RNLS: variants seen among roughly 807,000 people sequenced by gnomAD.
RNLS encodes the protein renalase.
RNLS carries 39 observed loss-of-function variants against 39.8 expected under a neutral mutation model. The ratio of observed to expected loss-of-function variants is 0.98; its 90% CI spans 0.76 to 1.28. RNLS has a LOEUF of 1.28. RNLS is among the 50% of genes most tolerant of loss of function. The probability of loss-of-function intolerance (pLI) is 0.00; values close to 1 mark genes in which losing one functional copy is unlikely to be tolerated. For synonymous variants in RNLS, 147 were observed against 150.7 expected, an observed-to-expected ratio of 0.98 and a Z score of 0.18; for missense variants, 410 against 413.3, an observed-to-expected ratio of 0.99 and a Z score of 0.07.
intron 4 of RNLS, among the ~76,000 whole-genome samples, chr10:88,430,071 G>C (rs969104224): frequency 1.3e-5 from 2 of 151,678 alleles, no homozygotes; most frequent in African/African-American, 4.8e-5. Context: ...GATTGGGACT[G>C]CATTAAATGT....
At chr10:88,497,521 AAC>A (rs1845236275) in intron 4 of RNLS, among the ~76,000 whole-genome samples, 1 of 151,868 alleles carries the variant, frequency 6.6e-6, no homozygotes, top group South Asian at 2.1e-4. Context: ...TAAAGCAAAT[AAC>A]AGAGTTGGAA....
intron 4 of RNLS, among the ~76,000 whole-genome samples, chr10:88,387,781 T>G (rs775720326): frequency 2.0e-5 from 3 of 152,056 alleles, no homozygotes; most frequent in Non-Finnish European, 4.4e-5. Flanking sequence ...TGATTTAGAG[T>G]TGTCCTGTAG....
chr10:88,535,609 TA>T (rs887712980), intron 4 of RNLS, among the ~76,000 whole-genome samples: 5 of 151,268 alleles, frequency 3.3e-5, no homozygotes, highest in Non-Finnish European at 5.9e-5. Flanking sequence ...AAAAAAAAGA[TA>T]AAAAAAACCT....
intron 4 of RNLS, among the ~76,000 whole-genome samples, chr10:88,365,530 C>T (rs1462179847): frequency 1.4e-5 from 2 of 145,260 alleles, no homozygotes; most frequent in African/African-American, 5.5e-5. Flanking sequence ...CACACACACA[C>T]ACACACACAC....
chr10:88,300,696 G>A (rs1467587713), intron 6 of RNLS, among the ~76,000 whole-genome samples: 2 of 152,170 alleles, frequency 1.3e-5, no homozygotes, highest in Non-Finnish European at 2.9e-5. Flanking sequence ...ACTCTTTAAA[G>A]GAAGGGAGCT....
intron 4 of RNLS, among the ~76,000 whole-genome samples, chr10:88,406,890 C>T (rs548930721): frequency 1.3e-5 from 2 of 152,050 alleles, no homozygotes; most frequent in Admixed American, 6.6e-5. Flanking sequence ...GAATTAACAG[C>T]ATCTGCAGTG....
At chr10:88,377,121 T>C (rs1851064206) in intron 4 of RNLS, among the ~76,000 whole-genome samples, 1 of 152,106 alleles carries the variant, frequency 6.6e-6, no homozygotes, top group Admixed American at 6.6e-5. Flanking sequence ...CTTACTTTCT[T>C]GCATATAAGT....
intron 4 of RNLS, among the ~76,000 whole-genome samples, chr10:88,398,756 C>G (rs775908095): frequency 6.6e-6 from 1 of 151,764 alleles, no homozygotes; most frequent in Non-Finnish European, 1.5e-5. Flanking sequence ...ATCAACAGAA[C>G]AAACAACCAA....
chr10:88,398,350 G>A (rs1713282812), intron 4 of RNLS, among the ~76,000 whole-genome samples: 1 of 152,036 alleles, frequency 6.6e-6, no homozygotes, highest in African/African-American at 2.4e-5. Context: ...GAAGTCCCTA[G>A]TTGTATGGTA....
At chr10:88,358,745 T>C (rs976382791) in intron 5 of RNLS, among the ~76,000 whole-genome samples, 3 of 152,224 alleles carry the variant, frequency 2.0e-5, no homozygotes, top group Non-Finnish European at 4.4e-5. Context: ...GCTGTGGCTT[T>C]CTACATCTAC....
chr10:88,373,212 G>T (rs550547353), intron 4 of RNLS, among the ~76,000 whole-genome samples: 1 of 152,194 alleles, frequency 6.6e-6, no homozygotes, highest in African/African-American at 2.4e-5. Context: ...GCAATGACTT[G>T]GAGAATTAAT....
chr10:88,425,584 T>C (rs1170648775), intron 4 of RNLS, among the ~76,000 whole-genome samples: 2 of 152,096 alleles, frequency 1.3e-5, no homozygotes, highest in Non-Finnish European at 1.5e-5. Context: ...AATGATTTAT[T>C]GGGTATTCCA....
the RNLS span, among the ~76,000 whole-genome samples, chr10:88,203,266 A>G: frequency 5.9e-4 from 6 of 10,134 alleles, no homozygotes; most frequent in East Asian, 4.0e-3. Flanking sequence ...GTGTGTGTGT[A>G]TGTATATATA....
At chr10:88,327,176 GA>G (rs1846682550) in intron 5 of RNLS, among the ~76,000 whole-genome samples, 1 of 152,122 alleles carries the variant, frequency 6.6e-6, no homozygotes, top group Non-Finnish European at 1.5e-5. Flanking sequence ...AGTTAGTTAG[GA>G]CTTTGGCAGA....
chr10:88,535,794 A>G (rs1211921467), intron 4 of RNLS, among the ~76,000 whole-genome samples: 2 of 152,162 alleles, frequency 1.3e-5, no homozygotes, highest in African/African-American at 4.8e-5. Flanking sequence ...GTCAAGAGGA[A>G]CCACAGCTAG....
At chr10:88,249,457 A>C in the RNLS span, among the ~76,000 whole-genome samples, 3 of 152,166 alleles carry the variant, frequency 2.0e-5, no homozygotes, top group African/African-American at 7.2e-5. Flanking sequence ...GCTTAAAACA[A>C]CCACTCCATG....
chr10:88,545,118 T>C (rs2134303045), intron 4 of RNLS, among the ~76,000 whole-genome samples: 1 of 152,292 alleles, frequency 6.6e-6, no homozygotes, highest in South Asian at 2.1e-4. Context: ...AGAAGCCCCC[T>C]TCTTAGCTGG....
the RNLS span, among the ~76,000 whole-genome samples, chr10:88,187,178 A>AATATATAATAT: frequency 1.7e-4 from 22 of 127,436 alleles, 1 homozygote; most frequent in African/African-American, 6.5e-4. Context: ...ATATATATAT[A>AATATATAATAT]ATATATATAA....
chr10:88,339,158 T>C (rs1291528270), intron 5 of RNLS, among the ~76,000 whole-genome samples: 1 of 152,224 alleles, frequency 6.6e-6, no homozygotes, highest in African/African-American at 2.4e-5. Context: ...AGACACGGAC[T>C]GAGGATTTCA....
Sources: gnomAD v4.1 joint callset for allele counts (sites outside exome capture counted in the v4.1 genomes callset) on GRCh38, gnomAD v4.1.1 for gene constraint, MANE v1.5 for transcripts, NCBI Gene and HGNC (gene_info 2026-07-23, HGNC 2026-07-21) for gene names.